Variants in POLR3B observed in about 807,000 individuals in gnomAD.
POLR3B encodes RNA polymerase III subunit B.
A neutral mutation model predicts 147.4 loss-of-function variants in POLR3B; 96 were observed. The observed-to-expected ratio is 0.65, with a 90% CI of 0.55 to 0.77. The LOEUF is 0.77. Among genes scored for constraint, POLR3B ranks in the 30% least tolerant of loss-of-function variants. The pLI, the probability that POLR3B is intolerant of heterozygous loss-of-function variation, is 0.00. For synonymous variants in POLR3B, 461 were observed against 485.9 expected, an observed-to-expected ratio of 0.95 and a Z score of 0.67; for missense variants, 1,036 against 1,413.5, an observed-to-expected ratio of 0.73 and a Z score of 4.28.
chr12:106,506,959 G>T (rs2038698281), intron 27 of POLR3B, among the ~76,000 whole-genome samples: 1 of 152,166 alleles, frequency 6.6e-6, no homozygotes, highest in Non-Finnish European at 1.5e-5. Flanking sequence ...CACAATGAAG[G>T]CTAGGTAATT....
chr12:106,509,784 T>A lies in POLR3B; in HGVS notation c.*235T>A. 1 of 455,242 alleles carries A rather than the reference T, an allele frequency of 2.2e-6. No homozygotes were observed. The highest frequency in any genetic ancestry group is 4.1e-6 in the Non-Finnish European group (1 of 246,388). The allele number at this position is 455,242 out of a possible 1,614,324, so 28.2% of individuals were successfully genotyped here. A position where few individuals can be genotyped will look rare whatever the true frequency, so the allele number is the denominator to read the frequency against. ...TGACCATGTGGACTGCAAGGCTGCT[T>A]GATTCACAGATGGATGTGACCTAAA... On this transcript the variant is annotated 3_prime_UTR_variant, in exon 28 of 28. Coordinates refer to ENST00000228347, the MANE Select transcript of POLR3B (RefSeq NM_018082.6).
intron 12 of POLR3B, among the ~76,000 whole-genome samples, chr12:106,416,308 A>G (rs147239643): frequency 3.0e-4 from 46 of 152,354 alleles, no homozygotes; most frequent in African/African-American, 1.0e-3. Flanking sequence ...CATACACACC[A>G]CTATATATAA....
intron 12 of POLR3B, among the ~76,000 whole-genome samples, chr12:106,414,173 A>T (rs2136940637): frequency 6.7e-6 from 1 of 149,094 alleles, no homozygotes; most frequent in South Asian, 2.1e-4. Flanking sequence ...CAGTTAAATT[A>T]TGACACAGTG....
chr12:106,493,022 T>C (rs541542671), intron 23 of POLR3B, among the ~76,000 whole-genome samples: 16 of 152,244 alleles, frequency 1.1e-4, no homozygotes, highest in African/African-American at 1.7e-4. Context: ...GAGGCTGTGC[T>C]GTAAACAATG....
intron 27 of POLR3B, among the ~76,000 whole-genome samples, chr12:106,506,936 C>G (rs1474110435): frequency 6.6e-6 from 1 of 152,150 alleles, no homozygotes; most frequent in Non-Finnish European, 1.5e-5. Flanking sequence ...GGAAGTCGCT[C>G]TTTAATGAGC....
intron 12 of POLR3B, among the ~76,000 whole-genome samples, 184 bp from the exon 13 acceptor site, chr12:106,427,013 C>T (rs2037448456): frequency 6.6e-6 from 1 of 151,902 alleles, no homozygotes; most frequent in Non-Finnish European, 1.5e-5. Flanking sequence ...ATGCCTAGCA[C>T]GGTGTTAAGC....
intron 8 of POLR3B, 27 bp downstream of exon 8, chr12:106,378,411 A>C (rs758798622): frequency 7.2e-7 from 1 of 1,393,020 alleles, no homozygotes; most frequent in Admixed American, 1.7e-5. Context: ...TGGTGTCCTT[A>C]AGCAATATTG....
chr12:106,371,407 A>G lies in POLR3B; in HGVS notation c.404+1724A>G, dbSNP rs1307313848. Among the ~76,000 whole-genome samples, 3 of 152,284 alleles carry G rather than the reference A, an allele frequency of 2.0e-5. No homozygotes were observed. In the South Asian group the frequency reaches 6.2e-4, roughly 32 times the overall value. On this transcript the variant is annotated intron_variant, in intron 6 of 27. Coordinates refer to ENST00000228347, the MANE Select transcript of POLR3B (RefSeq NM_018082.6). ...GATTCCTCAGGGATCTAGAACTAGAAATACCATTTGACCCAGCCATCCCAT... is the reference window on the plus strand; with the variant it reads ...GATTCCTCAGGGATCTAGAACTAGAGATACCATTTGACCCAGCCATCCCAT...
In POLR3B at chr12:106,390,502, A is replaced by G. The variant is rs544511647; in HGVS notation, c.724-2529A>G. The stretch of plus-strand genomic sequence containing the variant: ...AATAATCTAGTTTTGTTTGTTTAAA[A>G]ATTAGAACTGGTAATTTTTTTTAGG... On this transcript the variant is annotated intron_variant, in intron 9 of 27. Coordinates refer to ENST00000228347, the MANE Select transcript of POLR3B (RefSeq NM_018082.6). Among the ~76,000 whole-genome samples, 30 of 152,204 alleles carry G rather than the reference A, an allele frequency of 2.0e-4. No individual in the cohort carries two copies. The South Asian group carries it at 3.9e-3, about 20-fold the overall frequency.
chr12:106,469,602 C>A (rs904462119), intron 23 of POLR3B, among the ~76,000 whole-genome samples: 1 of 152,096 alleles, frequency 6.6e-6, no homozygotes, highest in South Asian at 2.1e-4. Flanking sequence ...TGTTCCTTTC[C>A]ATGTTTAGTG....
chr12:106,417,277 G>T (rs2037317213), intron 12 of POLR3B, among the ~76,000 whole-genome samples: 1 of 152,186 alleles, frequency 6.6e-6, no homozygotes. Flanking sequence ...AGGCACGAAT[G>T]AATTTAGGGA....
intron 1 of POLR3B, 35 bp downstream of exon 1, chr12:106,357,986 A>C (rs759044122): frequency 2.5e-6 from 4 of 1,608,104 alleles, no homozygotes; most frequent in Non-Finnish European, 3.4e-6. Flanking sequence ...GTCAGGGACA[A>C]GGATGCGCCC....
At chr12:106,480,608 A>T (rs915593100) in intron 23 of POLR3B, among the ~76,000 whole-genome samples, 2 of 152,152 alleles carry the variant, frequency 1.3e-5, no homozygotes, top group African/African-American at 4.8e-5. Context: ...TACTCAAGTG[A>T]TGGTTACTCA....
rs2038651043 is a variant in POLR3B, at chr12:106,504,305, A to G, written c.3272+51A>G. 1.2e-5 allele frequency: 18 copies of G among 1,456,642 alleles called. No individual in the cohort carries two copies. The East Asian group carries it at 4.1e-4, about 33-fold the overall frequency. The allele number at this position is 1,456,642 out of a possible 1,614,324, so 90.2% of individuals were successfully genotyped here. On this transcript the variant is annotated intron_variant, in intron 27 of 27. Coordinates refer to ENST00000228347, the MANE Select transcript of POLR3B (RefSeq NM_018082.6). This position sits in a 1 kb window ranked among gnomAD's most constrained non-coding sequence, Gnocchi z 4.6. ...TACCACACCCCTTGCCTCTTAAATC[A>G]CAGCTCAAGAATTGACCCTGGATCC...
chr12:106,454,983 AT>A (rs1431022769), intron 20 of POLR3B, among the ~76,000 whole-genome samples: 2 of 152,118 alleles, frequency 1.3e-5, no homozygotes, highest in Non-Finnish European at 2.9e-5. Flanking sequence ...AAGAAAAAAA[AT>A]GTAAGAATGT....
intron 8 of POLR3B, among the ~76,000 whole-genome samples, chr12:106,379,710 GTA>G (rs1014236335): frequency 4.8e-4 from 73 of 152,288 alleles, no homozygotes; most frequent in Middle Eastern, 3.4e-3. Flanking sequence ...AATTGGCCTT[GTA>G]TATATGCTCT....
chr12:106,481,691 A>G (rs1240075862), intron 23 of POLR3B, among the ~76,000 whole-genome samples: 1 of 152,150 alleles, frequency 6.6e-6, no homozygotes, highest in African/African-American at 2.4e-5. Flanking sequence ...TTACACCTTA[A>G]TTTTTTTAAA....
At position 106,494,954 on chromosome 12, in the gene POLR3B, C is replaced by T. The variant is rs147735242; in HGVS notation, c.2714-1101C>T. Among the ~76,000 whole-genome samples the T allele has an allele frequency of 2.2e-3, 331 of 152,140 alleles. 2 individuals carry two copies. Among genetic ancestry groups the T allele is most frequent in the African/African-American group, 7.5e-3 (312 of 41,510 alleles). On this transcript the variant is annotated intron_variant, in intron 23 of 27. Transcript: ENST00000228347. ...TTAGCTCCTGGTGATTACAACAAAT[C>T]GCAAACTATTGAAATAGTTTGAATA...
intron 18 of POLR3B, among the ~76,000 whole-genome samples, chr12:106,439,919 T>G (rs192715286): frequency 6.6e-6 from 1 of 151,570 alleles, no homozygotes; most frequent in Non-Finnish European, 1.5e-5. Flanking sequence ...GTTAGCCAAG[T>G]GTTGTGGTGT....
Sources: gnomAD v4.1 joint callset for allele counts (sites outside exome capture counted in the v4.1 genomes callset) on GRCh38, gnomAD v4.1.1 for gene constraint, Gnocchi (gnomAD v3.1) non-coding constraint, MANE v1.5 for transcripts, NCBI Gene and HGNC (gene_info 2026-07-23, HGNC 2026-07-21) for gene names.